Variants in RERE observed in about 807,000 individuals in gnomAD.
RERE encodes arginine-glutamic acid dipeptide repeats protein.
A neutral mutation model predicts 146.1 loss-of-function variants in RERE; 40 were observed. That is an observed-to-expected ratio of 0.27 (90% CI 0.21 to 0.36). The LOEUF (loss-of-function observed/expected upper bound fraction) is 0.36, where lower values mean the gene tolerates loss of function less well. RERE is among the 10% of genes least tolerant of loss of function. The probability of loss-of-function intolerance (pLI) is 1.00; values close to 1 mark genes in which losing one functional copy is unlikely to be tolerated. For missense variants in RERE, 1,933 were observed against 2,138.7 expected, an observed-to-expected ratio of 0.90 and a Z score of 1.90; for synonymous variants, 1,003 against 866.0, an observed-to-expected ratio of 1.16 and a Z score of -2.78.
At chr1:8,668,716 A>G (rs748194151) in intron 1 of RERE, among the ~76,000 whole-genome samples, 5 of 152,220 alleles carry the variant, frequency 3.3e-5, no homozygotes, top group African/African-American at 7.2e-5. Context: ...AAAAGATTAG[A>G]TACTATATGA....
chr1:8,405,030 G>C (rs1006297810), intron 12 of RERE, among the ~76,000 whole-genome samples: 5 of 152,200 alleles, frequency 3.3e-5, no homozygotes, highest in Admixed American at 2.6e-4. Flanking sequence ...GGGGCGTGGG[G>C]GAGGGTGAGG....
At chr1:8,796,923 T>C (rs144297732) in intron 1 of RERE, among the ~76,000 whole-genome samples, 57 of 152,248 alleles carry the variant, frequency 3.7e-4, no homozygotes, top group Middle Eastern at 3.4e-3. Context: ...CGTTGACAAC[T>C]TCTCCCAAGT....
rs568659837 is a variant in RERE at position 8,709,166 on chromosome 1, C to T, written c.-144-52725G>A. Among the ~76,000 whole-genome samples the T allele has an allele frequency of 5.3e-5, 8 of 152,060 alleles. No homozygotes were observed. In the South Asian group the frequency reaches 1.0e-3, roughly 20 times the overall value. On this transcript the variant is annotated intron_variant, in intron 1 of 22. Coordinates refer to ENST00000400908, the MANE Select transcript of RERE (RefSeq NM_001042681.2). ...CGATCTCCTGACCTCATGATCTGCC[C>T]GCCTTGGCTTCCCAAAGTGCTGGGA...
At chr1:8,361,693 G>GT (rs1641587839) in intron 17 of RERE, 70 bp downstream of exon 17, 3 of 1,443,024 alleles carry the variant, frequency 2.1e-6, no homozygotes, top group Non-Finnish European at 2.9e-6. Context: ...CACCAACTAG[G>GT]GAGAACCCCG....
intron 1 of RERE, among the ~76,000 whole-genome samples, chr1:8,701,549 TTAAA>T (rs1639451190): frequency 6.6e-6 from 1 of 152,176 alleles, no homozygotes; most frequent in Admixed American, 6.5e-5. Context: ...GGTTAAGTCT[TTAAA>T]TATGTTATTG....
Position 8,359,768 on chromosome 1 carries a change from GCCCGCTCTGCCTCGCGCT to G in RERE, c.3596_3613del (p.Glu1199_Arg1204del). On this transcript the variant is annotated inframe_deletion, in exon 19 of 23. Coordinates refer to ENST00000400908, the MANE Select transcript of RERE (RefSeq NM_001042681.2). Reference sequence around the variant, plus strand: ...CCTCGCCAACCCTGGACTCACAGCCGCCCGCTCTGCCTCGCGCTCCCGCTCTCGCTCCCGCTCCCGCTC... The same window carrying G: ...CCTCGCCAACCCTGGACTCACAGCCGCCCGCTCTCGCTCCCGCTCCCGCTC... 6.3e-7 allele frequency: 1 copy of G among 1,599,478 alleles called. No individual in the cohort carries two copies. Among genetic ancestry groups the G allele is most frequent in the Non-Finnish European group, 8.5e-7 (1 of 1,179,126 alleles).
chr1:8,390,275 G>C (rs1642839325), intron 12 of RERE, among the ~76,000 whole-genome samples: 1 of 152,178 alleles, frequency 6.6e-6, no homozygotes, highest in South Asian at 2.1e-4. Context: ...TGTACAGAGA[G>C]GCCTTTGGCA....
intron 4 of RERE, among the ~76,000 whole-genome samples, chr1:8,565,599 C>T (rs1230132332): frequency 1.3e-5 from 2 of 151,954 alleles, no homozygotes; most frequent in South Asian, 2.1e-4. Context: ...CCCAGCTACT[C>T]GGGAGGCTGA....
At chr1:8,615,346 AT>A (rs770342896) in intron 3 of RERE, among the ~76,000 whole-genome samples, 6 of 152,216 alleles carry the variant, frequency 3.9e-5, no homozygotes, top group African/African-American at 9.7e-5. Flanking sequence ...CCAGAAAGAC[AT>A]TACTTATTTT....
chr1:8,543,718 C>T (rs35865480), intron 6 of RERE, among the ~76,000 whole-genome samples: 89,087 of 152,028 alleles, frequency 0.59, 26,722 homozygotes, highest in East Asian at 0.83. Flanking sequence ...AGCACCCATA[C>T]ACATTTCTTC....
chr1:8,380,957 G>T (rs1275170115), intron 12 of RERE: 3 of 456,514 alleles, frequency 6.6e-6, no homozygotes, highest in Non-Finnish European at 1.3e-5. Flanking sequence ...GTCCTTCCCT[G>T]GGTAAAAGGG....
chr1:8,374,661 G>A (rs140807700), intron 12 of RERE, among the ~76,000 whole-genome samples: 2 of 152,246 alleles, frequency 1.3e-5, no homozygotes, highest in South Asian at 2.1e-4. Context: ...TTCTCCAAAC[G>A]GTCAAAGGTT....
chr1:8,439,634 C>A (rs1013444223), intron 11 of RERE, among the ~76,000 whole-genome samples: 1 of 152,228 alleles, frequency 6.6e-6, no homozygotes, highest in African/African-American at 2.4e-5. Context: ...CAAGAAAGGT[C>A]AATGACCCTT....
chr1:8,709,111 G>A (rs1205072460), intron 1 of RERE, among the ~76,000 whole-genome samples: 6 of 151,352 alleles, frequency 4.0e-5, no homozygotes, highest in East Asian at 1.9e-4. Flanking sequence ...TAGTAGAGAC[G>A]GCGTTTCACC....
chr1:8,606,161 T>C (rs1646706388), intron 4 of RERE, among the ~76,000 whole-genome samples: 1 of 152,144 alleles, frequency 6.6e-6, no homozygotes, highest in African/African-American at 2.4e-5. Flanking sequence ...TATCCAACTA[T>C]TTTCCACCAA....
intron 6 of RERE, among the ~76,000 whole-genome samples, chr1:8,548,143 T>A (rs1001433399): frequency 1.3e-5 from 2 of 152,212 alleles, no homozygotes; most frequent in African/African-American, 4.8e-5. Context: ...AGACGGGGTT[T>A]TAAGAAAAGA....
At chr1:8,490,176 C>T (rs1398428903) in intron 10 of RERE, among the ~76,000 whole-genome samples, 6 of 151,362 alleles carry the variant, frequency 4.0e-5, no homozygotes, top group South Asian at 2.1e-4. Flanking sequence ...TCCTGGCCAA[C>T]GTGGTGAAAT....
At chr1:8,433,187 A>G (rs1207010227) in intron 11 of RERE, among the ~76,000 whole-genome samples, 1 of 152,194 alleles carries the variant, frequency 6.6e-6, no homozygotes, top group Admixed American at 6.5e-5. Flanking sequence ...CCTGGGTGCA[A>G]GATGGGTGTC....
chr1:8,511,863 C>T (rs1645340605), intron 7 of RERE: 1 of 151,416 alleles, frequency 6.6e-6, no homozygotes, highest in Non-Finnish European at 1.5e-5. Context: ...GAATGTTTCC[C>T]TGGCACATGG....
Sources: gnomAD v4.1 joint callset for allele counts (sites outside exome capture counted in the v4.1 genomes callset) on GRCh38, gnomAD v4.1.1 for gene constraint, MANE v1.5 for transcripts, NCBI Gene and HGNC (gene_info 2026-07-23, HGNC 2026-07-21) for gene names.